Variants in TCL1B observed in about 807,000 individuals in gnomAD.
TCL1B encodes the protein TCL1 family AKT coactivator B.
TCL1B carries 14 observed loss-of-function variants against 16.9 expected under a neutral mutation model. That is an observed-to-expected ratio of 0.83 (90% confidence interval 0.55 to 1.30). TCL1B has a LOEUF of 1.30. Ranked by LOEUF, TCL1B falls within the 50% of genes most tolerant of loss-of-function variation. The pLI is 0.00. For synonymous variants in TCL1B, 79 were observed against 66.6 expected (o/e 1.19, Z -0.91); for missense variants, 166 against 165.2 (o/e 1.00, Z -0.03).
Position 95,689,608 on chromosome 14 carries a change from G to A in TCL1B, c.163-1128G>A, listed in dbSNP as rs139130313. On this transcript the variant is annotated intron_variant, in intron 1 of 3. Coordinates refer to ENST00000340722, the MANE Select transcript of TCL1B (RefSeq NM_004918.4). ...CAGTGCAAAAGCAGCTAAAGGCAAC[G>A]GTAAAGGAATGAGGGAAGGAGCCTT... 1.9e-3 allele frequency among the ~76,000 whole-genome samples: 295 copies of A among 152,294 alleles called. 1 individual carries two copies. The highest frequency in any genetic ancestry group is 6.8e-3 in the African/African-American group (281 of 41,570).
In TCL1B at chr14:95,686,515, G is replaced by A. The variant is rs1203087370; in HGVS notation, c.48G>A (p.Leu16=). The change falls in exon 1 of 4, where the codon CTG becomes CTA. Residue 16 remains leucine, a synonymous_variant. Coordinates refer to ENST00000340722, the MANE Select transcript of TCL1B (RefSeq NM_004918.4). The stretch of plus-strand genomic sequence containing the variant: ...GTCTAGGGGTGCCCCCTGGCCGTCT[G>A]TGGATCCAGAGGCCTGGCATCTACG... ...SVRLGVPPGR[L]WIQRPGIYED... 6 of 1,613,504 alleles carry A rather than the reference G, an allele frequency of 3.7e-6. No homozygotes were observed. The highest frequency in any genetic ancestry group is 5.1e-6 in the Non-Finnish European group (6 of 1,179,754).
At chr14:95,691,654 T>C (rs1885889422) in intron 3 of TCL1B, 1 of 249,336 alleles carries the variant, frequency 4.0e-6, no homozygotes, top group East Asian at 9.2e-5. Context: ...GGGAATGACT[T>C]CCTCGAGACC....
Position 95,686,648 on chromosome 14 carries a change from GGGA to G in TCL1B, c.162+22_162+24del. 6.3e-7 allele frequency: 1 copy of G among 1,590,798 alleles called. No individual in the cohort carries two copies. On this transcript the variant is annotated intron_variant, in intron 1 of 3. Coordinates refer to ENST00000340722, the MANE Select transcript of TCL1B (RefSeq NM_004918.4). ...CAGCAGAGTGAGTCCTGGGCACGAG[GGGA>G]GGCTGTGGGGAGGGCTGCGCACTGA...
At chr14:95,686,998 T>C (rs1338183390) in intron 1 of TCL1B, among the ~76,000 whole-genome samples, 2 of 151,494 alleles carry the variant, frequency 1.3e-5, no homozygotes, top group Non-Finnish European at 2.9e-5. Flanking sequence ...GAGGCAGGAG[T>C]AGTATAAGCA....
chr14:95,690,684 G>C lies in TCL1B; in HGVS notation c.163-52G>C, dbSNP rs959587123. The C allele has an allele frequency of 3.8e-6, 6 of 1,576,872 alleles. No individual in the cohort carries two copies. The South Asian group carries it at 5.8e-5, about 15-fold the overall frequency. On this transcript the variant is annotated intron_variant, in intron 1 of 3. Transcript: ENST00000340722. ...CTGGCCATTGCTTGTGTGCAGCCCA[G>C]TTGGCAGGGAACCCTATCCATGATT...
At position 95,692,230 on chromosome 14, in the gene TCL1B, T is replaced by G. The variant is rs1216305879; in HGVS notation, c.*315T>G. 6.6e-6 allele frequency: 1 copy of G among 152,524 alleles called. No individual in the cohort carries two copies. Among genetic ancestry groups the G allele is most frequent in the Admixed American group, 6.5e-5 (1 of 15,284 alleles). 9.4% of individuals were successfully genotyped at this position (152,524 alleles called of 1,614,324 possible). Reference sequence around the variant, plus strand: ...GGTTCTTTCTCCTCTGTGCCCCTCATGCTGATCTTCTAGATGCCACTCCCA... The same window carrying G: ...GGTTCTTTCTCCTCTGTGCCCCTCAGGCTGATCTTCTAGATGCCACTCCCA... On this transcript the variant is annotated 3_prime_UTR_variant, in exon 4 of 4. Transcript: ENST00000340722.
intron 1 of TCL1B, among the ~76,000 whole-genome samples, chr14:95,687,482 C>G (rs1050935962): frequency 2.0e-5 from 3 of 152,134 alleles, no homozygotes; most frequent in African/African-American, 7.2e-5. Context: ...CTAATAACAC[C>G]TAATGCTACA....
chr14:95,686,878 G>A (rs1389108118), intron 1 of TCL1B, among the ~76,000 whole-genome samples: 1 of 152,238 alleles, frequency 6.6e-6, no homozygotes, highest in African/African-American at 2.4e-5. Context: ...CGAGGCTAAG[G>A]TAGCTCAGGG....
chr14:95,690,933 AGCGACAG>A (rs1279590246), intron 2 of TCL1B, 27 bp downstream of exon 2: 1 of 1,605,792 alleles, frequency 6.2e-7, no homozygotes, highest in Admixed American at 1.7e-5. Context: ...TCTAGGTGAA[AGCGACAG>A]GTGGCCCCTG....
intron 1 of TCL1B, among the ~76,000 whole-genome samples, chr14:95,689,049 G>T (rs947019557): frequency 2.0e-5 from 3 of 152,202 alleles, no homozygotes; most frequent in Admixed American, 1.3e-4. Flanking sequence ...CACTTTGGGG[G>T]GCCGAGGCGG....
At position 95,687,379 on chromosome 14, in the gene TCL1B, G is replaced by A. The variant is rs145304874; in HGVS notation, c.162+750G>A. ...GCGGTGGGGAATTGATTCCAGGACC[G>A]ACTGTGGATGCTCAAGTCCCTGATA... On this transcript the variant is annotated intron_variant, in intron 1 of 3. Transcript: ENST00000340722. Among the ~76,000 whole-genome samples, 18 of 152,068 alleles carry A rather than the reference G, an allele frequency of 1.2e-4. 1 individual carries two copies. In the East Asian group the frequency reaches 3.3e-3, roughly 28 times the overall value.
chr14:95,687,332 A>G (rs1442300985), intron 1 of TCL1B, among the ~76,000 whole-genome samples: 2 of 152,302 alleles, frequency 1.3e-5, no homozygotes, highest in East Asian at 3.9e-4. Flanking sequence ...AAGTAAATAC[A>G]GTAGCGTTTC....
intron 1 of TCL1B, among the ~76,000 whole-genome samples, chr14:95,687,951 CAAAAAAA>C (rs36096166): frequency 1.7e-4 from 18 of 108,716 alleles, no homozygotes; most frequent in African/African-American, 4.0e-4. Context: ...GACTCCGTCC[CAAAAAAA>C]AAAAAAAAAA....
At chr14:95,690,988 C>A in intron 2 of TCL1B, 82 bp downstream of exon 2, 1 of 1,517,248 alleles carries the variant, frequency 6.6e-7, no homozygotes, top group Non-Finnish European at 9.0e-7. Context: ...TGCCCCTGGC[C>A]CCCTTGGGGT....
intron 1 of TCL1B, among the ~76,000 whole-genome samples, chr14:95,690,044 C>T (rs1268256295): frequency 6.6e-6 from 1 of 152,132 alleles, no homozygotes; most frequent in African/African-American, 2.4e-5. Flanking sequence ...GCTCTGTCTC[C>T]CAGGCTGGAG....
At chr14:95,687,166 G>A (rs1267391072) in intron 1 of TCL1B, among the ~76,000 whole-genome samples, 1 of 152,220 alleles carries the variant, frequency 6.6e-6, no homozygotes, top group African/African-American at 2.4e-5. Flanking sequence ...GCCTGGGGAA[G>A]CATTTGACTG....
At chr14:95,687,100 C>T (rs17093261) in intron 1 of TCL1B, among the ~76,000 whole-genome samples, 1 of 152,214 alleles carries the variant, frequency 6.6e-6, no homozygotes, top group African/African-American at 2.4e-5. Context: ...GAATAATATA[C>T]CTCTGTGGCA....
At chr14:95,689,046 G>A (rs1039437261) in intron 1 of TCL1B, among the ~76,000 whole-genome samples, 3 of 152,194 alleles carry the variant, frequency 2.0e-5, no homozygotes, top group Admixed American at 1.3e-4. Flanking sequence ...CAGCACTTTG[G>A]GGGGCCGAGG....
Position 95,692,339 on chromosome 14 carries a change from G to A in TCL1B, c.*424G>A, listed in dbSNP as rs1303268378. Reference sequence around the variant, plus strand: ...AGCTCGTGATTGGAAACTCACCATCGGCAGGCAGTGGTTCGGTTTAAGAGA... The same window carrying A: ...AGCTCGTGATTGGAAACTCACCATCAGCAGGCAGTGGTTCGGTTTAAGAGA... On this transcript the variant is annotated 3_prime_UTR_variant, in exon 4 of 4. Coordinates refer to ENST00000340722, the MANE Select transcript of TCL1B (RefSeq NM_004918.4). 1.3e-5 allele frequency: 2 copies of A among 152,432 alleles called. No individual in the cohort carries two copies. Among genetic ancestry groups the A allele is most frequent in the East Asian group, 1.9e-4 (1 of 5,208 alleles). The allele number at this position is 152,432 out of a possible 1,614,324, so 9.4% of individuals were successfully genotyped here. A position where few individuals can be genotyped will look rare whatever the true frequency, so the allele number is the denominator to read the frequency against.
Sources: gnomAD v4.1 joint callset for allele counts (sites outside exome capture counted in the v4.1 genomes callset) on GRCh38, gnomAD v4.1.1 for gene constraint, MANE v1.5 for transcripts, NCBI Gene and HGNC (gene_info 2026-07-23, HGNC 2026-07-21) for gene names.